Variants in RPTOR observed in about 807,000 individuals in gnomAD.
RPTOR encodes regulatory associated protein of MTOR complex 1.
RPTOR carries 21 observed loss-of-function variants against 169.9 expected under a neutral mutation model. The observed-to-expected ratio is 0.12, with a 90% CI of 0.09 to 0.18. RPTOR has a LOEUF of 0.18. RPTOR is among the 10% of genes least tolerant of loss of function. The pLI, the probability that RPTOR is intolerant of heterozygous loss-of-function variation, is 1.00. For synonymous variants in RPTOR, 732 were observed against 753.2 expected (o/e 0.97, Z 0.46); for missense variants, 1,133 against 1,855.9 (o/e 0.61, Z 7.16).
intron 2 of RPTOR, among the ~76,000 whole-genome samples, chr17:80,634,265 G>GTGTGTGTGCATAC (rs1567830409): frequency 1.7e-5 from 2 of 116,780 alleles, no homozygotes; most frequent in South Asian, 2.4e-4. Context: ...CGTGCATACC[G>GTGTGTGTGCATAC]TGTGTGTGCG....
intron 1 of RPTOR, among the ~76,000 whole-genome samples, chr17:80,568,825 A>G (rs1249222477): frequency 3.3e-5 from 5 of 151,976 alleles, no homozygotes; most frequent in African/African-American, 7.3e-5. Flanking sequence ...CTATTCTTCT[A>G]TAGTATCTAA....
In RPTOR at chr17:80,616,838, A is replaced by T. The variant is rs373050906; in HGVS notation, c.163-8853A>T. Among the ~76,000 whole-genome samples, 5 of 152,276 alleles carry T rather than the reference A, an allele frequency of 3.3e-5. No individual in the cohort carries two copies. The East Asian group carries it at 7.7e-4, about 24-fold the overall frequency. ...TTATTTGTTGGTTTTTAAGGACCAG[A>T]GTTCCCAGGAGTAAGTGAAACACGA... On this transcript the variant is annotated intron_variant, in intron 1 of 33. Coordinates refer to ENST00000306801, the MANE Select transcript of RPTOR (RefSeq NM_020761.3).
chr17:80,908,711 A>G, intron 20 of RPTOR, 100 bp from the exon 21 acceptor site: 1 of 816,378 alleles, frequency 1.2e-6, no homozygotes, highest in Non-Finnish European at 2.0e-6. Context: ...TTAAAGCAAC[A>G]CTTCTGATAC....
intron 5 of RPTOR, among the ~76,000 whole-genome samples, chr17:80,732,542 G>T (rs1417097949): frequency 6.6e-6 from 1 of 152,196 alleles, no homozygotes; most frequent in Non-Finnish European, 1.5e-5. Context: ...ACATGAAAGA[G>T]ATCAGATGAA....
intron 28 of RPTOR, among the ~76,000 whole-genome samples, chr17:80,956,775 C>T (rs1034850218): frequency 2.6e-5 from 4 of 152,014 alleles, no homozygotes; most frequent in African/African-American, 7.2e-5. Context: ...GGCACTGCTC[C>T]GGATGTTGGG....
intron 4 of RPTOR, among the ~76,000 whole-genome samples, chr17:80,728,740 T>C (rs1429576884): frequency 1.5e-5 from 2 of 135,604 alleles, no homozygotes; most frequent in African/African-American, 5.0e-5. Context: ...CTCTTGTGCT[T>C]TTTTTTTTCT....
chr17:80,647,154 C>T (rs2065602513), intron 3 of RPTOR, among the ~76,000 whole-genome samples: 1 of 152,128 alleles, frequency 6.6e-6, no homozygotes, highest in Non-Finnish European at 1.5e-5. Context: ...GCCCATTGAG[C>T]CCTTTTCTAA....
At chr17:80,877,831 G>T (rs1036642475) in intron 13 of RPTOR, among the ~76,000 whole-genome samples, 2 of 152,192 alleles carry the variant, frequency 1.3e-5, no homozygotes, top group African/African-American at 2.4e-5. Flanking sequence ...TGAGGCCGGC[G>T]CCTGGCTCCC....
intron 6 of RPTOR, among the ~76,000 whole-genome samples, chr17:80,765,723 T>C (rs1245617092): frequency 2.0e-5 from 3 of 152,190 alleles, no homozygotes; most frequent in African/African-American, 7.2e-5. Context: ...CCTGGGGCTC[T>C]CCGTCCTTGT....
chr17:80,673,636 G>A (rs893888119), intron 3 of RPTOR, among the ~76,000 whole-genome samples: 3 of 152,180 alleles, frequency 2.0e-5, no homozygotes, highest in African/African-American at 4.8e-5. Flanking sequence ...CTTGGTAGCC[G>A]GCGCTTTGAT....
intron 20 of RPTOR, among the ~76,000 whole-genome samples, chr17:80,900,780 A>G (rs2068467115): frequency 6.6e-6 from 1 of 152,220 alleles, no homozygotes; most frequent in Non-Finnish European, 1.5e-5. Context: ...CCATCAAGTA[A>G]GAATCAAAAT....
intron 6 of RPTOR, among the ~76,000 whole-genome samples, chr17:80,772,035 G>C (rs1162275254): frequency 6.6e-6 from 1 of 152,132 alleles, no homozygotes; most frequent in Non-Finnish European, 1.5e-5. Flanking sequence ...TGGCCAGGCT[G>C]GTCTTTAACT....
intron 3 of RPTOR, among the ~76,000 whole-genome samples, chr17:80,690,209 G>C (rs1227476131): frequency 6.6e-6 from 1 of 151,390 alleles, no homozygotes; most frequent in Non-Finnish European, 1.5e-5. Context: ...CCCCCACCCA[G>C]TCCCCCCTTC....
intron 3 of RPTOR, among the ~76,000 whole-genome samples, chr17:80,653,096 G>A (rs1383042268): frequency 6.6e-6 from 1 of 152,062 alleles, no homozygotes; most frequent in African/African-American, 2.4e-5. Context: ...CTTTATTGTT[G>A]AGTTCTATGA....
chr17:80,854,738 AC>A lies in RPTOR; in HGVS notation c.1315-725del, dbSNP rs755455926. On this transcript the variant is annotated intron_variant, in intron 11 of 33. Transcript: ENST00000306801. ...TGAGACCCCCATCTCTATAAAAAAT[AC>A]AAAAATTAACCAGGCATGGTGGTAC... Among the ~76,000 whole-genome samples the A allele has an allele frequency of 2.0e-5, 3 of 152,314 alleles. No individual in the cohort carries two copies. In the East Asian group the frequency reaches 5.8e-4, roughly 29 times the overall value.
chr17:80,925,917 G>GCC (rs1272246083), intron 24 of RPTOR, among the ~76,000 whole-genome samples: 1 of 152,332 alleles, frequency 6.6e-6, no homozygotes, highest in African/African-American at 2.4e-5. Context: ...CCTAACAAGC[G>GCC]CCGTGTGCTG....
intron 4 of RPTOR, among the ~76,000 whole-genome samples, chr17:80,712,394 G>C (rs192978382): frequency 1.8e-3 from 275 of 152,216 alleles, no homozygotes; most frequent in African/African-American, 6.0e-3. Context: ...GTCTTTTCCA[G>C]AATGTCCTAT....
chr17:80,853,457 G>T (rs149036336), intron 11 of RPTOR, among the ~76,000 whole-genome samples: 1 of 152,096 alleles, frequency 6.6e-6, no homozygotes, highest in South Asian at 2.1e-4. Flanking sequence ...GTGATGGGGC[G>T]GTCATTTGTT....
Position 80,803,633 on chromosome 17 carries a change from A to G in RPTOR, c.890+12124A>G, listed in dbSNP as rs1183868336. On this transcript the variant is annotated intron_variant, in intron 7 of 33. Coordinates refer to ENST00000306801, the MANE Select transcript of RPTOR (RefSeq NM_020761.3). The surrounding 1 kb of genome is among the most constrained non-coding windows in gnomAD (Gnocchi z 6.2). ...TCAGACCCCGCGTGTGTTTCTCAGC[A>G]CGTTTGTTCATTCACCGTTCATTCA... The G allele has an allele frequency of 6.6e-6, 1 of 152,196 alleles. No individual in the cohort carries two copies. The highest frequency in any genetic ancestry group is 1.5e-5 in the Non-Finnish European group (1 of 68,046). The allele number at this position is 152,196 out of a possible 1,614,324, so 9.4% of individuals were successfully genotyped here.
Sources: gnomAD v4.1 joint callset for allele counts (sites outside exome capture counted in the v4.1 genomes callset) on GRCh38, gnomAD v4.1.1 for gene constraint, Gnocchi (gnomAD v3.1) non-coding constraint, MANE v1.5 for transcripts, NCBI Gene and HGNC (gene_info 2026-07-23, HGNC 2026-07-21) for gene names.